Variants in KIF1B observed in about 807,000 individuals in gnomAD.
The protein encoded by KIF1B is kinesin-like protein KIF1B.
A neutral mutation model predicts 241.9 loss-of-function variants in KIF1B; 76 were observed. That is an observed-to-expected ratio of 0.31 (90% CI 0.26 to 0.38). KIF1B has a LOEUF of 0.38. Ranked by LOEUF, KIF1B falls within the 10% of genes least tolerant of loss-of-function variation. The probability of loss-of-function intolerance (pLI) is 1.00; values close to 1 mark genes in which losing one functional copy is unlikely to be tolerated. For missense variants in KIF1B, 1,622 were observed against 2,271.4 expected, an observed-to-expected ratio of 0.71 and a Z score of 5.81; for synonymous variants, 750 against 796.7, an observed-to-expected ratio of 0.94 and a Z score of 0.99.
chr1:10,262,394 G>T (rs991422335), intron 5 of KIF1B, among the ~76,000 whole-genome samples: 1 of 152,086 alleles, frequency 6.6e-6, no homozygotes, highest in Non-Finnish European at 1.5e-5. Flanking sequence ...AAGCAATCTT[G>T]CCTCCTCCAC....
chr1:10,232,044 C>T (rs914051428), intron 1 of KIF1B, among the ~76,000 whole-genome samples: 2 of 152,016 alleles, frequency 1.3e-5, no homozygotes, highest in Non-Finnish European at 2.9e-5. Flanking sequence ...CACTTGAACC[C>T]TGGAGTTCAA....
chr1:10,336,407 A>G (rs1037682735), intron 28 of KIF1B, among the ~76,000 whole-genome samples: 3 of 152,190 alleles, frequency 2.0e-5, no homozygotes, highest in Non-Finnish European at 4.4e-5. Flanking sequence ...TCAGCCCCTC[A>G]AAGTGCTGGG....
rs148677872 is a variant in KIF1B at position 10,304,323 on chromosome 1, A to G, written c.2115+7077A>G. 255 of 1,614,210 alleles carry G rather than the reference A, an allele frequency of 1.6e-4. No individual in the cohort carries two copies. The African/African-American group carries it at 1.7e-3, about 11-fold the overall frequency. On this transcript the variant is annotated intron_variant, in intron 22 of 48. Transcript: ENST00000676179. ...TTAATAATCAGCAACAGCCACCTCA[A>G]CTACGTTGGAGAAGCAATTCTCTCA...
chr1:10,329,874 T>G (rs1651859057), intron 27 of KIF1B, among the ~76,000 whole-genome samples: 2 of 152,230 alleles, frequency 1.3e-5, no homozygotes, highest in Admixed American at 6.5e-5. Flanking sequence ...GCTGGGATGT[T>G]ATGAACCATC....
intron 27 of KIF1B, among the ~76,000 whole-genome samples, chr1:10,328,421 A>G (rs1309436122): frequency 2.0e-5 from 3 of 152,248 alleles, no homozygotes; most frequent in Non-Finnish European, 2.9e-5. Context: ...ATGAATAAAC[A>G]TAAAGGGATT....
At chr1:10,267,259 C>G in intron 5 of KIF1B, 121 bp from the exon 6 acceptor site, 1 of 770,700 alleles carries the variant, frequency 1.3e-6, no homozygotes, top group South Asian at 1.4e-5. Context: ...TTCGAGTGAT[C>G]TCAAGTGATC....
At chr1:10,218,115 C>T (rs1224750115) in intron 1 of KIF1B, among the ~76,000 whole-genome samples, 1 of 152,088 alleles carries the variant, frequency 6.6e-6, no homozygotes, top group Non-Finnish European at 1.5e-5. Flanking sequence ...TCATCATAGC[C>T]AGGCTCTGAC....
At chr1:10,251,341 T>G (rs1647432082) in intron 2 of KIF1B, among the ~76,000 whole-genome samples, 1 of 151,802 alleles carries the variant, frequency 6.6e-6, no homozygotes, top group South Asian at 2.1e-4. Context: ...CTTTTTTTTT[T>G]TTTTTACTAA....
intron 35 of KIF1B, among the ~76,000 whole-genome samples, chr1:10,346,539 A>G (rs778044335): frequency 1.1e-4 from 16 of 151,668 alleles, no homozygotes; most frequent in Non-Finnish European, 2.2e-4. Flanking sequence ...TAATTTTTGT[A>G]TTTTTAGTAG....
chr1:10,279,936 CA>C (rs2102228789), intron 14 of KIF1B, among the ~76,000 whole-genome samples: 1 of 152,166 alleles, frequency 6.6e-6, no homozygotes, highest in East Asian at 1.9e-4. Flanking sequence ...CCCCTGACCT[CA>C]AGCAGTCCTC....
chr1:10,310,207 G>C (rs1387010865), intron 22 of KIF1B, among the ~76,000 whole-genome samples: 1 of 151,608 alleles, frequency 6.6e-6, no homozygotes, highest in African/African-American at 2.4e-5. Context: ...TTTAATGTCA[G>C]TTAGAATTTT....
At chr1:10,223,908 G>T (rs982907142) in intron 1 of KIF1B, among the ~76,000 whole-genome samples, 5 of 152,118 alleles carry the variant, frequency 3.3e-5, no homozygotes, top group African/African-American at 1.2e-4. Flanking sequence ...TTTTGAGAAA[G>T]TAATTAAATA....
chr1:10,369,090 A>G (rs945191640), intron 44 of KIF1B, among the ~76,000 whole-genome samples: 1 of 152,058 alleles, frequency 6.6e-6, no homozygotes, highest in Non-Finnish European at 1.5e-5. Context: ...TTTCTACTCC[A>G]TTATCACCTC....
intron 10 of KIF1B, among the ~76,000 whole-genome samples, chr1:10,273,933 T>G (rs1480602523): frequency 1.6e-5 from 2 of 127,648 alleles, no homozygotes; most frequent in African/African-American, 3.0e-5. Flanking sequence ...CTTAGTAGCT[T>G]CTTTTTTTTT....
intron 1 of KIF1B, among the ~76,000 whole-genome samples, chr1:10,215,172 ATTTTT>A (rs1166683802): frequency 0.013 from 600 of 45,050 alleles, 3 homozygotes; most frequent in African/African-American, 0.033. Flanking sequence ...ATATATATAT[ATTTTT>A]TTTTTTTTTT....
intron 2 of KIF1B, among the ~76,000 whole-genome samples, chr1:10,239,704 T>C (rs1647107456): frequency 6.6e-6 from 1 of 152,084 alleles, no homozygotes. Flanking sequence ...GCCTCCCGGC[T>C]TCAAGGGATT....
chr1:10,236,134 T>C (rs566077963), intron 2 of KIF1B, among the ~76,000 whole-genome samples: 1 of 151,830 alleles, frequency 6.6e-6, no homozygotes, highest in East Asian at 1.9e-4. Context: ...TAGCCGGACG[T>C]GGTGATGCGC....
At chr1:10,362,520 A>G (rs1273539982) in intron 40 of KIF1B, among the ~76,000 whole-genome samples, 1 of 151,602 alleles carries the variant, frequency 6.6e-6, no homozygotes, top group Non-Finnish European at 1.5e-5. Context: ...AAAAAAAAGA[A>G]AGAAACAATA....
intron 15 of KIF1B, among the ~76,000 whole-genome samples, chr1:10,286,024 A>G (rs1649672752): frequency 6.6e-6 from 1 of 150,840 alleles, no homozygotes; most frequent in Non-Finnish European, 1.5e-5. Context: ...TTAGGTACTC[A>G]TGTCACACCA....
Sources: gnomAD v4.1 joint callset for allele counts (sites outside exome capture counted in the v4.1 genomes callset) on GRCh38, gnomAD v4.1.1 for gene constraint, MANE v1.5 for transcripts, NCBI Gene and HGNC (gene_info 2026-07-23, HGNC 2026-07-21) for gene names.